Variants in QDPR observed in about 807,000 individuals in gnomAD.
QDPR encodes the protein dihydropteridine reductase.
A neutral mutation model predicts 31.7 loss-of-function variants in QDPR; 23 were observed. The observed-to-expected ratio is 0.73, with a 90% confidence interval of 0.52 to 1.03. QDPR has a LOEUF of 1.03. QDPR is among the 50% of genes least tolerant of loss of function. The pLI is 0.00. For missense variants in QDPR, 324 were observed against 323.8 expected (o/e 1.00, Z 0.00); for synonymous variants, 124 against 124.7 (o/e 0.99, Z 0.03).
intron 2 of QDPR, among the ~76,000 whole-genome samples, chr4:17,506,097 C>T (rs551248309): frequency 1.6e-4 from 24 of 152,242 alleles, no homozygotes; most frequent in Admixed American, 9.8e-4. Flanking sequence ...GCCCAGGAAC[C>T]GCCCTTCCAT....
chr4:17,492,436 CT>C, intron 4 of QDPR, 96 bp from the exon 5 acceptor site: 2 of 973,532 alleles, frequency 2.1e-6, no homozygotes, highest in Non-Finnish European at 3.2e-6. Flanking sequence ...TCCCTAAAAA[CT>C]TTATAAATAG....
intron 5 of QDPR, among the ~76,000 whole-genome samples, chr4:17,491,527 A>C (rs1159723639): frequency 2.6e-5 from 4 of 152,202 alleles, no homozygotes; most frequent in Non-Finnish European, 4.4e-5. Flanking sequence ...CACCTCCAAC[A>C]GTTTCCCATA....
rs989746138 is a variant in QDPR at position 17,511,813 on chromosome 4, G to A, written c.105+137C>T. ...AACAGGAATAGACGCGTAGACCTGTGCGCGCACGTGCAAGCAACACGAGTC... is the reference window on the plus strand; with the variant it reads ...AACAGGAATAGACGCGTAGACCTGTACGCGCACGTGCAAGCAACACGAGTC... On this transcript the variant is annotated intron_variant, in intron 1 of 6. Transcript: ENST00000281243. The A allele has an allele frequency of 7.3e-6, 6 of 818,788 alleles. No homozygotes were observed. In the African/African-American group the frequency reaches 8.9e-5, roughly 12 times the overall value. 50.7% of individuals were successfully genotyped at this position (818,788 alleles called of 1,614,324 possible).
rs541361868 is a variant in QDPR, at chr4:17,507,712, T to A, written c.198+1559A>T. Among the ~76,000 whole-genome samples, 11 of 152,090 alleles carry A rather than the reference T, an allele frequency of 7.2e-5. No homozygotes were observed. In the East Asian group the frequency reaches 2.1e-3, roughly 30 times the overall value. On this transcript the variant is annotated intron_variant, in intron 2 of 6. Transcript: ENST00000281243. ...TCTGCCTCCCAGGTTCAAGTGATTC[T>A]CCTGCCTCAGCCTCCCGAGTAGCTG... is the stretch of plus-strand genomic sequence containing the variant.
intron 4 of QDPR, among the ~76,000 whole-genome samples, chr4:17,497,038 C>T (rs1718385267): frequency 6.6e-6 from 1 of 152,064 alleles, no homozygotes; most frequent in Non-Finnish European, 1.5e-5. Flanking sequence ...CATGAGCCAT[C>T]GCGCCCTGCC....
chr4:17,487,251 A>G lies in QDPR; in HGVS notation c.630-15T>C, dbSNP rs781122232. On this transcript the variant is annotated splice_polypyrimidine_tract_variant and intron_variant, in intron 6 of 6. Coordinates refer to ENST00000281243, the MANE Select transcript of QDPR (RefSeq NM_000320.3). ...CATGGAAAGTTCTGGAACAGAAAAT[A>G]AAAGTTTTTTTTATATTCTCAAAGC... 11 of 1,610,796 alleles carry G rather than the reference A, an allele frequency of 6.8e-6. No homozygotes were observed. The highest frequency in any genetic ancestry group is 9.3e-6 in the Non-Finnish European group (11 of 1,176,994).
At chr4:17,505,817 T>G (rs1718768422) in intron 2 of QDPR, among the ~76,000 whole-genome samples, 1 of 152,226 alleles carries the variant, frequency 6.6e-6, no homozygotes, top group African/African-American at 2.4e-5. Flanking sequence ...TCAGAAATTC[T>G]TAAGGTTGGG....
At chr4:17,507,858 T>C (rs1402089117) in intron 2 of QDPR, among the ~76,000 whole-genome samples, 1 of 152,092 alleles carries the variant, frequency 6.6e-6, no homozygotes, top group Non-Finnish European at 1.5e-5. Context: ...CATCTCAGCC[T>C]TCCAAAGTGC....
At chr4:17,492,067 A>G (rs1718182970) in intron 5 of QDPR, among the ~76,000 whole-genome samples, 165 bp downstream of exon 5, 2 of 152,220 alleles carry the variant, frequency 1.3e-5, no homozygotes. Flanking sequence ...TGTTAGAGCA[A>G]TTCAAACAGA....
rs911855878 is a variant in QDPR, at chr4:17,497,655, A to G, written c.436+4064T>C. Among the ~76,000 whole-genome samples the G allele has an allele frequency of 1.4e-4, 22 of 152,144 alleles. 1 individual carries two copies. The highest frequency in any genetic ancestry group is 4.8e-4 in the African/African-American group (20 of 41,428). On this transcript the variant is annotated intron_variant, in intron 4 of 6. Coordinates refer to ENST00000281243, the MANE Select transcript of QDPR (RefSeq NM_000320.3). ...TAGACAAGGCACCTAAAATCACTGA[A>G]CTTTTTTTCCTCCATAATCAAGGGA...
chr4:17,502,285 A>T (rs912756565), intron 3 of QDPR, among the ~76,000 whole-genome samples: 1 of 152,234 alleles, frequency 6.6e-6, no homozygotes, highest in African/African-American at 2.4e-5. Flanking sequence ...ACTGAGCTAC[A>T]TATTTTATGT....
chr4:17,496,677 C>G (rs1173058203), intron 4 of QDPR, among the ~76,000 whole-genome samples: 1 of 151,346 alleles, frequency 6.6e-6, no homozygotes, highest in East Asian at 2.0e-4. Context: ...ACTCTGTTGC[C>G]CAGGCTAGAG....
Position 17,487,213 on chromosome 4 carries a change from C to T in QDPR, c.653G>A (p.Gly218Glu). 2 of 1,614,060 alleles carry T rather than the reference C, an allele frequency of 1.2e-6. No individual in the cohort carries two copies. The highest frequency in any genetic ancestry group is 1.1e-5 in the South Asian group (1 of 91,070). ...LVETFHDWIT[G>E]KNRPSSGSLI... Reference sequence around the variant, plus strand: ...GCTTCCTGAGCTCGGTCGGTTTTTCCCTGTGATCCAGTCATGGAAAGTTCT... The same window carrying T: ...GCTTCCTGAGCTCGGTCGGTTTTTCTCTGTGATCCAGTCATGGAAAGTTCT... Residue 218 changes from glycine (G) to glutamate (E), a missense_variant, in exon 7 of 7, where the codon GGG becomes GAG. Transcript: ENST00000281243.
At position 17,511,936 on chromosome 4, in the gene QDPR, G is replaced by A; in HGVS notation, c.105+14C>T. Reference sequence around the variant, plus strand: ...CCCCCGCGGAGACCCAGCAGCCCCAGCCCGCAGCATTACCCAGTTGCGGGC... The same window carrying A: ...CCCCCGCGGAGACCCAGCAGCCCCAACCCGCAGCATTACCCAGTTGCGGGC... On this transcript the variant is annotated intron_variant, in intron 1 of 6. Transcript: ENST00000281243. 1.2e-6 allele frequency: 2 copies of A among 1,607,908 alleles called. No homozygotes were observed. Among genetic ancestry groups the A allele is most frequent in the Non-Finnish European group, 1.7e-6 (2 of 1,177,788 alleles).
chr4:17,498,284 T>G (rs573350215), intron 4 of QDPR, among the ~76,000 whole-genome samples: 26 of 152,254 alleles, frequency 1.7e-4, no homozygotes, highest in African/African-American at 5.8e-4. Context: ...CTACCTCAAA[T>G]TGCAAAAGAG....
chr4:17,499,260 A>G (rs575910126), intron 4 of QDPR, among the ~76,000 whole-genome samples: 1 of 152,348 alleles, frequency 6.6e-6, no homozygotes, highest in South Asian at 2.1e-4. Flanking sequence ...GAGAAGTCCA[A>G]CGTGCACAGT....
At chr4:17,490,607 G>T in intron 6 of QDPR, 55 bp downstream of exon 6, 1 of 1,432,252 alleles carries the variant, frequency 7.0e-7, no homozygotes, top group Non-Finnish European at 9.8e-7. Flanking sequence ...GACCACAGCA[G>T]GCAGAGAATA....
chr4:17,498,165 G>A (rs1389366066), intron 4 of QDPR, among the ~76,000 whole-genome samples: 1 of 152,046 alleles, frequency 6.6e-6, no homozygotes, highest in African/African-American at 2.4e-5. Flanking sequence ...TAAAATCCTC[G>A]GCACACACAC....
At position 17,512,085 on chromosome 4, in the gene QDPR, C is replaced by T. The variant is rs1160437611; in HGVS notation, c.-31G>A. 6.6e-7 allele frequency: 1 copy of T among 1,521,902 alleles called. No individual in the cohort carries two copies. Among genetic ancestry groups the T allele is most frequent in the African/African-American group, 1.4e-5 (1 of 69,992 alleles). The allele number at this position is 1,521,902 out of a possible 1,614,324, so 94.3% of individuals were successfully genotyped here. On this transcript the variant is annotated 5_prime_UTR_variant, in exon 1 of 7. Coordinates refer to ENST00000281243, the MANE Select transcript of QDPR (RefSeq NM_000320.3). ...TCCTGCCAGCCCGGCTCCCGCAGCTCCGAATGCCTCGAGCCGGAGCGCCGC... is the reference window on the plus strand; with the variant it reads ...TCCTGCCAGCCCGGCTCCCGCAGCTTCGAATGCCTCGAGCCGGAGCGCCGC...
Sources: allele counts gnomAD v4.1 joint callset (sites outside exome capture counted in the v4.1 genomes callset), GRCh38; gene constraint gnomAD v4.1.1; transcripts MANE v1.5; gene names NCBI Gene and HGNC (gene_info 2026-07-23, HGNC 2026-07-21).